Variants in AFG2A observed in about 807,000 individuals in gnomAD.
The protein encoded by AFG2A is AAA ATPase AFG2A.
chr4:123,316,641 A>G, the AFG2A span: 2 of 152,218 alleles, frequency 1.3e-5, no homozygotes, highest in African/African-American at 2.4e-5. Context: ...CTCATTCCCA[A>G]TAGAATAAAA....
At chr4:123,017,606 C>CT in the AFG2A span, among the ~76,000 whole-genome samples, 3 of 151,398 alleles carry the variant, frequency 2.0e-5, no homozygotes, top group Non-Finnish European at 4.4e-5. Flanking sequence ...TTTTCTCAAC[C>CT]TTTTTTTTCC....
At chr4:123,173,103 T>C in the AFG2A span, among the ~76,000 whole-genome samples, 7 of 152,206 alleles carry the variant, frequency 4.6e-5, no homozygotes, top group Admixed American at 2.0e-4. Flanking sequence ...CAGACACACT[T>C]TCCTAAGCCA....
the AFG2A span, chr4:122,979,244 T>C: frequency 3.7e-6 from 6 of 1,614,002 alleles, no homozygotes; most frequent in South Asian, 4.4e-5. Context: ...CTCTGTGCCT[T>C]GCGGAGAATC....
the AFG2A span, among the ~76,000 whole-genome samples, chr4:123,173,351 T>G: frequency 2.0e-4 from 23 of 116,772 alleles, no homozygotes; most frequent in African/African-American, 5.3e-4. Context: ...TTTTTTTTTT[T>G]TTTTTTTTTT....
At chr4:123,146,162 G>A in the AFG2A span, among the ~76,000 whole-genome samples, 14 of 152,068 alleles carry the variant, frequency 9.2e-5, no homozygotes, top group African/African-American at 3.4e-4. Context: ...TTAAATATGA[G>A]GGAGAAGTAA....
the AFG2A span, among the ~76,000 whole-genome samples, chr4:123,308,487 G>A: frequency 7.2e-5 from 11 of 152,206 alleles, no homozygotes; most frequent in East Asian, 1.7e-3. Flanking sequence ...TCAGATCAGC[G>A]GCGGCATTAG....
At chr4:123,289,089 T>C in the AFG2A span, among the ~76,000 whole-genome samples, 2 of 152,320 alleles carry the variant, frequency 1.3e-5, no homozygotes, top group African/African-American at 4.8e-5. Context: ...AGTGGTGAAG[T>C]CTGGGCTTTT....
the AFG2A span, among the ~76,000 whole-genome samples, chr4:123,220,707 C>G: frequency 6.7e-6 from 1 of 149,586 alleles, no homozygotes; most frequent in East Asian, 2.0e-4. Flanking sequence ...GTCACATATT[C>G]TAGTTGCTAG....
chr4:123,275,233 G>A, the AFG2A span, among the ~76,000 whole-genome samples: 1 of 152,028 alleles, frequency 6.6e-6, no homozygotes, highest in East Asian at 1.9e-4. Context: ...ATGATTTTGG[G>A]GGCCTGCAGA....
At chr4:123,103,156 G>A in the AFG2A span, among the ~76,000 whole-genome samples, 1 of 151,982 alleles carries the variant, frequency 6.6e-6, no homozygotes, top group African/African-American at 2.4e-5. Context: ...TATCCAAAGA[G>A]CAGCTTAAAG....
chr4:123,043,151 C>G, the AFG2A span, among the ~76,000 whole-genome samples: 353 of 152,242 alleles, frequency 2.3e-3, 1 homozygote, highest in Non-Finnish European at 3.6e-3. Flanking sequence ...GCCATTCTAG[C>G]TTGACAGGTT....
At chr4:123,170,583 G>A in the AFG2A span, among the ~76,000 whole-genome samples, 136 of 152,052 alleles carry the variant, frequency 8.9e-4, no homozygotes, top group Middle Eastern at 3.4e-3. Flanking sequence ...AACACTAAAG[G>A]TAGAAAGAAA....
chr4:123,249,386 A>C, the AFG2A span, among the ~76,000 whole-genome samples: 1 of 152,324 alleles, frequency 6.6e-6, no homozygotes, highest in Admixed American at 6.5e-5. Context: ...TGTAACTCCT[A>C]TCTTATCTAC....
the AFG2A span, among the ~76,000 whole-genome samples, chr4:123,261,085 T>TC: frequency 1.3e-5 from 2 of 152,024 alleles, no homozygotes; most frequent in African/African-American, 4.8e-5. Flanking sequence ...TCCGAAACCA[T>TC]CCCCCCACCC....
At chr4:123,310,211 G>A in the AFG2A span, among the ~76,000 whole-genome samples, 1 of 152,218 alleles carries the variant, frequency 6.6e-6, no homozygotes, top group African/African-American at 2.4e-5. Context: ...TCAGCTGCTT[G>A]TGCATCAGCT....
At chr4:122,935,479 T>TC in the AFG2A span, among the ~76,000 whole-genome samples, 4 of 152,046 alleles carry the variant, frequency 2.6e-5, no homozygotes, top group African/African-American at 9.7e-5. Flanking sequence ...CCAGTTTTTT[T>TC]TTTTTTTAAC....
chr4:122,968,335 A>G, the AFG2A span, among the ~76,000 whole-genome samples: 1 of 152,320 alleles, frequency 6.6e-6, no homozygotes, highest in East Asian at 1.9e-4. Flanking sequence ...GCATAAGCTA[A>G]AATATCCATG....
the AFG2A span, among the ~76,000 whole-genome samples, chr4:122,994,833 CATT>C: frequency 6.6e-6 from 1 of 152,088 alleles, no homozygotes; most frequent in Admixed American, 6.5e-5. Flanking sequence ...TACCACATAT[CATT>C]AGTTAAATAA....
At chr4:122,973,467 T>C in the AFG2A span, among the ~76,000 whole-genome samples, 1 of 132,978 alleles carries the variant, frequency 7.5e-6, no homozygotes, top group East Asian at 2.0e-4. Flanking sequence ...TTTTTTCCTG[T>C]TTTTTTTTTC....
Sources: allele counts gnomAD v4.1 joint callset (sites outside exome capture counted in the v4.1 genomes callset), GRCh38; gene constraint gnomAD v4.1.1; transcripts MANE v1.5; gene names NCBI Gene and HGNC (gene_info 2026-07-23, HGNC 2026-07-21).